COP1: variants seen among roughly 807,000 people sequenced by gnomAD.
COP1 encodes the protein E3 ubiquitin-protein ligase COP1.
A neutral mutation model predicts 101.3 loss-of-function variants in COP1; 24 were observed. That is an observed-to-expected ratio of 0.24 (90% CI 0.17 to 0.33). COP1 has a LOEUF of 0.33. COP1 is among the 10% of genes least tolerant of loss of function. COP1 has a pLI of 1.00. For missense variants in COP1, 663 were observed against 906.2 expected, an observed-to-expected ratio of 0.73 and a Z score of 3.45; for synonymous variants, 347 against 341.9, an observed-to-expected ratio of 1.01 and a Z score of -0.17.
chr1:176,203,479 T>C (rs1700499918), intron 1 of COP1, among the ~76,000 whole-genome samples: 1 of 152,180 alleles, frequency 6.6e-6, no homozygotes, highest in Non-Finnish European at 1.5e-5. Context: ...ACAAAGGCAG[T>C]AGTTATAGAA....
chr1:175,995,934 G>C (rs1298196672), intron 15 of COP1, among the ~76,000 whole-genome samples: 2 of 152,058 alleles, frequency 1.3e-5, no homozygotes, highest in East Asian at 3.9e-4. Flanking sequence ...GCCTGGCAGA[G>C]ACACAACCAA....
Position 176,009,879 on chromosome 1 carries a change from G to GC in COP1, c.1729+17692_1729+17693insG, listed in dbSNP as rs756666517. ...TTAAGTTATAAGTTTAGGTTACTTG[G>GC]GGGGGGGGGGTCCGCAATAATTTTC... On this transcript the variant is annotated intron_variant, in intron 15 of 19. Transcript: ENST00000367669. 8.2e-5 allele frequency among the ~76,000 whole-genome samples: 5 copies of GC among 60,808 alleles called. No homozygotes were observed. The South Asian group carries it at 2.2e-3, about 27-fold the overall frequency. 39.9% of individuals were successfully genotyped at this position (60,808 alleles called of 152,430 possible).
intron 15 of COP1, among the ~76,000 whole-genome samples, chr1:176,024,837 AGAAAT>A (rs1259151169): frequency 6.6e-6 from 1 of 152,232 alleles, no homozygotes; most frequent in Non-Finnish European, 1.5e-5. Flanking sequence ...CATTCACAAC[AGAAAT>A]GAAAGTAACA....
At chr1:176,065,741 T>G (rs1002834838) in intron 11 of COP1, among the ~76,000 whole-genome samples, 1 of 143,292 alleles carries the variant, frequency 7.0e-6, no homozygotes, top group African/African-American at 2.6e-5. Context: ...GGAGTCTTGC[T>G]CCGTTGCCTA....
intron 1 of COP1, among the ~76,000 whole-genome samples, chr1:176,188,730 G>A (rs982184773): frequency 3.3e-5 from 5 of 151,892 alleles, no homozygotes; most frequent in Non-Finnish European, 5.9e-5. Flanking sequence ...CATATTAGAT[G>A]GCAAACCTCA....
intron 14 of COP1, among the ~76,000 whole-genome samples, chr1:176,042,467 G>T (rs1273226681): frequency 6.7e-6 from 1 of 148,502 alleles, no homozygotes; most frequent in East Asian, 2.0e-4. Flanking sequence ...GGAGGGTGAG[G>T]CAGGAGAATC....
chr1:176,097,899 T>C lies in COP1; in HGVS notation c.1027-12009A>G, dbSNP rs1156747620. On this transcript the variant is annotated intron_variant, in intron 9 of 19. Coordinates refer to ENST00000367669, the MANE Select transcript of COP1 (RefSeq NM_022457.7). ...AAAAAAAAAAAAAAGCTCTAATTAA[T>C]TGGCCTAAAGGAAGATAAACACTTT... is the stretch of plus-strand genomic sequence containing the variant. 5.4e-5 allele frequency among the ~76,000 whole-genome samples: 8 copies of C among 148,056 alleles called. No individual in the cohort carries two copies. The East Asian group carries it at 1.6e-3, about 29-fold the overall frequency.
chr1:176,054,704 C>G (rs1002547312), intron 11 of COP1, among the ~76,000 whole-genome samples: 16 of 152,152 alleles, frequency 1.1e-4, no homozygotes, highest in African/African-American at 3.6e-4. Flanking sequence ...TTTCCCTCCT[C>G]TCTCCTGTAT....
chr1:175,998,456 TATAATA>T (rs1419681774), intron 15 of COP1, among the ~76,000 whole-genome samples: 1 of 143,858 alleles, frequency 7.0e-6, no homozygotes, highest in African/African-American at 2.6e-5. Flanking sequence ...AAACTTAAAG[TATAATA>T]ATAATAAAAT....
chr1:176,088,333 G>C (rs1680612896), intron 9 of COP1, among the ~76,000 whole-genome samples: 1 of 151,984 alleles, frequency 6.6e-6, no homozygotes, highest in East Asian at 1.9e-4. Context: ...ATACACAAAA[G>C]GTAATGTTAT....
At chr1:176,000,861 G>A (rs950413407) in intron 15 of COP1, among the ~76,000 whole-genome samples, 3 of 151,604 alleles carry the variant, frequency 2.0e-5, no homozygotes, top group African/African-American at 7.3e-5. Context: ...TGTTTTTTCT[G>A]GGGATTATAA....
chr1:176,197,277 T>C (rs2102223803), intron 1 of COP1, among the ~76,000 whole-genome samples: 1 of 152,076 alleles, frequency 6.6e-6, no homozygotes, highest in South Asian at 2.1e-4. Flanking sequence ...TATCCAGGTG[T>C]GGTGACACAT....
intron 18 of COP1, among the ~76,000 whole-genome samples, chr1:175,955,312 T>G (rs1571238619): frequency 6.6e-6 from 1 of 152,226 alleles, no homozygotes; most frequent in East Asian, 1.9e-4. Context: ...CATCATCCCT[T>G]CAGCAAACTA....
At chr1:176,177,660 C>T (rs539850229) in intron 2 of COP1, among the ~76,000 whole-genome samples, 43 of 151,856 alleles carry the variant, frequency 2.8e-4, no homozygotes, top group Non-Finnish European at 5.3e-4. Context: ...AAAATCATTC[C>T]CACAGAGAAA....
intron 18 of COP1, among the ~76,000 whole-genome samples, chr1:175,966,841 C>T (rs1270506511): frequency 2.0e-5 from 3 of 152,132 alleles, no homozygotes; most frequent in Admixed American, 2.0e-4. Context: ...GGCTTGGCCA[C>T]AGAACCAAAG....
At chr1:175,965,895 TGATTCATCATAA>T (rs1651964427) in intron 18 of COP1, among the ~76,000 whole-genome samples, 1 of 152,224 alleles carries the variant, frequency 6.6e-6, no homozygotes, top group East Asian at 1.9e-4. Flanking sequence ...TATCTGGGTT[TGATTCATCATAA>T]GAATCCCCTT....
At chr1:175,985,341 A>G (rs1365362770) in intron 18 of COP1, among the ~76,000 whole-genome samples, 5 of 152,190 alleles carry the variant, frequency 3.3e-5, no homozygotes, top group Non-Finnish European at 5.9e-5. Flanking sequence ...TGTAGTTACA[A>G]AACTAAAAAA....
chr1:176,125,661 T>C (rs1047546485), intron 8 of COP1, among the ~76,000 whole-genome samples: 10 of 152,150 alleles, frequency 6.6e-5, no homozygotes, highest in African/African-American at 2.4e-4. Flanking sequence ...GTAATAACGA[T>C]TCCTCTACTT....
chr1:176,151,334 AGAAG>A (rs1238211719), intron 5 of COP1, among the ~76,000 whole-genome samples: 21 of 144,750 alleles, frequency 1.5e-4, no homozygotes, highest in Non-Finnish European at 2.8e-4. Context: ...AAAGAAAGAA[AGAAG>A]GAAGGAAAGA....
Sources: allele counts gnomAD v4.1 joint callset (sites outside exome capture counted in the v4.1 genomes callset), GRCh38; gene constraint gnomAD v4.1.1; transcripts MANE v1.5; gene names NCBI Gene and HGNC (gene_info 2026-07-23, HGNC 2026-07-21).